The following CALR3 variants were observed in gnomAD, a reference collection of about 807,000 sequenced individuals.
CALR3 encodes calreticulin-3.
CALR3 carries 39 observed loss-of-function variants against 48.7 expected under a neutral mutation model. The ratio of observed to expected loss-of-function variants is 0.80; its 90% confidence interval spans 0.62 to 1.05. CALR3 has a LOEUF of 1.05. CALR3 is among the 50% of genes least tolerant of loss of function. The pLI, the probability that CALR3 is intolerant of heterozygous loss-of-function variation, is 0.00. For synonymous variants in CALR3, 185 were observed against 172.7 expected, an observed-to-expected ratio of 1.07 and a Z score of -0.56; for missense variants, 449 against 474.7, an observed-to-expected ratio of 0.95 and a Z score of 0.50.
intron 2 of CALR3, among the ~76,000 whole-genome samples, chr19:16,494,902 C>T (rs2093403937): frequency 2.0e-5 from 3 of 152,122 alleles, no homozygotes; most frequent in Admixed American, 6.6e-5. Context: ...GAATATGTCT[C>T]CTTGGACTTC....
At chr19:16,487,112 TC>T (rs2093390268) in intron 3 of CALR3, among the ~76,000 whole-genome samples, 1 of 151,950 alleles carries the variant, frequency 6.6e-6, no homozygotes, top group African/African-American at 2.4e-5. Context: ...CTCGGGGGAT[TC>T]CCCTGCTTCA....
chr19:16,482,933 C>A (rs1371281002), intron 5 of CALR3, 148 bp from the exon 6 acceptor site: 5 of 753,874 alleles, frequency 6.6e-6, no homozygotes, highest in Non-Finnish European at 1.1e-5. Context: ...CAGCCTCAAC[C>A]TCTTGGGCTC....
intron 3 of CALR3, among the ~76,000 whole-genome samples, chr19:16,486,319 TAA>T (rs372688610): frequency 4.4e-4 from 54 of 123,980 alleles, no homozygotes; most frequent in Admixed American, 5.8e-4. Context: ...CCGTCTCAAT[TAA>T]AAAAAAAAAA....
intron 4 of CALR3, 35 bp from the exon 5 acceptor site, chr19:16,484,150 A>G (rs2093385083): frequency 6.4e-7 from 1 of 1,554,772 alleles, no homozygotes; most frequent in African/African-American, 1.4e-5. Flanking sequence ...TAACAATTAA[A>G]TCCTCAATTT....
At chr19:16,485,492 G>C (rs2093387876) in intron 3 of CALR3, among the ~76,000 whole-genome samples, 1 of 151,938 alleles carries the variant, frequency 6.6e-6, no homozygotes, top group South Asian at 2.1e-4. Flanking sequence ...GCTAATTTTT[G>C]TATTTTTAGT....
In CALR3 at chr19:16,480,708, T is replaced by G. The variant is rs746374711; in HGVS notation, c.919-2A>C. 3.8e-6 allele frequency: 6 copies of G among 1,597,846 alleles called. No homozygotes were observed. The highest frequency in any genetic ancestry group is 1.3e-5 in the African/African-American group (1 of 74,646). On this transcript the variant is annotated splice_acceptor_variant, in intron 7 of 8. Transcript: ENST00000269881. LOFTEE classifies it high-confidence loss of function. Reference sequence around the variant, plus strand: ...ATCAAAAATGGTTCCAGATCTCACCTGCAGATGAAAATAAGGCCTTCATTA... The same window carrying G: ...ATCAAAAATGGTTCCAGATCTCACCGGCAGATGAAAATAAGGCCTTCATTA...
intron 3 of CALR3, among the ~76,000 whole-genome samples, chr19:16,487,887 C>T (rs1454540492): frequency 6.6e-6 from 1 of 150,750 alleles, no homozygotes; most frequent in African/African-American, 2.4e-5. Flanking sequence ...GATCTCAGCT[C>T]ACTGCAAGCT....
chr19:16,486,933 T>A (rs1312500887), intron 3 of CALR3, among the ~76,000 whole-genome samples: 1 of 152,176 alleles, frequency 6.6e-6, no homozygotes, highest in Non-Finnish European at 1.5e-5. Context: ...TTTATTTTAA[T>A]CTTTTTTTGA....
chr19:16,494,759 A>G (rs1355569186), intron 2 of CALR3, among the ~76,000 whole-genome samples: 1 of 152,222 alleles, frequency 6.6e-6, no homozygotes, highest in Non-Finnish European at 1.5e-5. Context: ...GCACTTGACT[A>G]GTGTCTATTA....
rs758681484 is a variant in CALR3, at chr19:16,480,715, GA to G, written c.919-10del. On this transcript the variant is annotated splice_polypyrimidine_tract_variant and intron_variant, in intron 7 of 8. Transcript: ENST00000269881. ...ATGGTTCCAGATCTCACCTGCAGAT[GA>G]AAATAAGGCCTTCATTATTATGCTT... 4.5e-6 allele frequency: 7 copies of G among 1,550,468 alleles called. No individual in the cohort carries two copies. The East Asian group carries it at 1.3e-4, about 30-fold the overall frequency.
chr19:16,484,104 G>A lies in CALR3; in HGVS notation c.504C>T (p.Phe168=). 1 of 1,613,118 alleles carries A rather than the reference G, an allele frequency of 6.2e-7. No individual in the cohort carries two copies. Among genetic ancestry groups the A allele is most frequent in the Non-Finnish European group, 8.5e-7 (1 of 1,179,724 alleles). ...KKLIRCKVDG[F]THLYTLILRP... ...TTAAAATTAGAGTGTACAGGTGTGTGAAGCCATCAACCTGCATATTTTAGG... is the reference window on the plus strand; with the variant it reads ...TTAAAATTAGAGTGTACAGGTGTGTAAAGCCATCAACCTGCATATTTTAGG... Residue 168 remains phenylalanine, a synonymous_variant, in exon 5 of 9, where the codon TTC becomes TTT. Transcript: ENST00000269881.
Position 16,479,156 on chromosome 19 carries a change from T to C in CALR3, c.1130A>G (p.Gln377Arg). The change falls in exon 9 of 9, where the codon CAA becomes CGA. Residue 377 changes from glutamine (Q) to arginine (R), a missense_variant. Transcript: ENST00000269881. ...KINRHEHYFN[Q>R]FHRRNEL ...CTAAAGTTCATTCCTTCTGTGAAAT[T>C]GATTGAAGTAATGTTCGTGCCTGTT... 1 of 1,614,080 alleles carries C rather than the reference T, an allele frequency of 6.2e-7. No individual in the cohort carries two copies.
At chr19:16,487,707 G>A (rs148960450) in intron 3 of CALR3, among the ~76,000 whole-genome samples, 185 of 151,330 alleles carry the variant, frequency 1.2e-3, no homozygotes, top group African/African-American at 4.2e-3. Flanking sequence ...GTGCAATCTC[G>A]GCTAACCATA....
At chr19:16,495,958 C>T (rs765648491) in intron 1 of CALR3, 81 bp downstream of exon 1, 1 of 1,555,980 alleles carries the variant, frequency 6.4e-7, no homozygotes, top group African/African-American at 1.4e-5. Context: ...CTGCCGTGGA[C>T]CCCGTGGCGA....
chr19:16,486,144 C>T (rs369300944), intron 3 of CALR3, among the ~76,000 whole-genome samples: 2 of 151,734 alleles, frequency 1.3e-5, no homozygotes, highest in East Asian at 1.9e-4. Context: ...GGTAAAACCC[C>T]GTGTGTACTA....
rs760304266 is a variant in CALR3, at chr19:16,482,509, T to A, written c.859A>T (p.Thr287Ser). Residue 287 changes from threonine to serine, a missense_variant, in exon 7 of 9, where the codon ACG (threonine) becomes TCG (serine). Coordinates refer to ENST00000269881, the MANE Select transcript of CALR3 (RefSeq NM_145046.5). Reference sequence around the variant, plus strand: ...TCAAATTCTGAGAGGTCATACTGCGTCAAATAGTCGGTATTCTTCATCTTA... The same window carrying A: ...TCAAATTCTGAGAGGTCATACTGCGACAAATAGTCGGTATTCTTCATCTTA... ...HRKMKNTDYL[T>S]QYDLSEFENI... The A allele has an allele frequency of 6.2e-7, 1 of 1,614,226 alleles. No homozygotes were observed. Among genetic ancestry groups the A allele is most frequent in the Non-Finnish European group, 8.5e-7 (1 of 1,180,030 alleles).
chr19:16,482,411 A>C (rs765866394), intron 7 of CALR3, 39 bp downstream of exon 7: 4 of 1,613,204 alleles, frequency 2.5e-6, no homozygotes, highest in Non-Finnish European at 3.4e-6. Context: ...CAAAACACAC[A>C]CACGCAAAAA....
intron 2 of CALR3, among the ~76,000 whole-genome samples, chr19:16,493,093 T>C (rs1460802439): frequency 6.6e-6 from 1 of 152,188 alleles, no homozygotes; most frequent in Non-Finnish European, 1.5e-5. Context: ...TCATGCAGCA[T>C]GCAGGTGTAA....
intron 2 of CALR3, among the ~76,000 whole-genome samples, chr19:16,490,858 A>C (rs2093396850): frequency 6.8e-6 from 1 of 147,634 alleles, no homozygotes; most frequent in Non-Finnish European, 1.5e-5. Flanking sequence ...CCCGGGTTCA[A>C]GTGATTCTCC....
Sources: allele counts gnomAD v4.1 joint callset (sites outside exome capture counted in the v4.1 genomes callset), GRCh38; gene constraint gnomAD v4.1.1; transcripts MANE v1.5; gene names NCBI Gene and HGNC (gene_info 2026-07-23, HGNC 2026-07-21).